The following AZIN2 variants were observed in gnomAD, a reference collection of about 807,000 sequenced individuals.
The protein encoded by AZIN2 is ODC antizyme inhibitor-2.
A neutral mutation model predicts 47.8 loss-of-function variants in AZIN2; 28 were observed. That is an observed-to-expected ratio of 0.59 (90% CI 0.43 to 0.80). The LOEUF (loss-of-function observed/expected upper bound fraction) is 0.80, where lower values mean the gene tolerates loss of function less well. Ranked by LOEUF, AZIN2 falls within the 30% of genes least tolerant of loss-of-function variation. The pLI is 0.00. For missense variants in AZIN2, 535 were observed against 582.5 expected, an observed-to-expected ratio of 0.92 and a Z score of 0.84; for synonymous variants, 221 against 239.4, an observed-to-expected ratio of 0.92 and a Z score of 0.71.
the AZIN2 span, among the ~76,000 whole-genome samples, chr1:33,140,111 G>C: frequency 1.2e-4 from 18 of 152,166 alleles, no homozygotes; most frequent in Non-Finnish European, 2.4e-4. This position sits in a 1 kb window ranked among gnomAD's most constrained non-coding sequence, Gnocchi z 4.0. Flanking sequence ...TAAGAGGAAA[G>C]AGGGGAGAGA....
intron 5 of AZIN2, among the ~76,000 whole-genome samples, chr1:33,091,014 A>G (rs915858941): frequency 1.0e-3 from 97 of 96,534 alleles, no homozygotes; most frequent in African/African-American, 2.6e-3. Context: ...ATGTTGCTGC[A>G]AATGACAGGA....
Position 33,092,143 on chromosome 1 carries a change from G to A in AZIN2, c.373G>A (p.Ala125Thr). The A allele has an allele frequency of 6.2e-7, 1 of 1,614,200 alleles. No individual in the cohort carries two copies. The change falls in exon 6 of 12, where the codon GCC becomes ACC. Residue 125 changes from alanine to threonine, a missense_variant. By Grantham distance (58) the Ala-to-Thr change is moderately conservative. Around this residue, in one of 3 missense-constraint regions of AZIN2, gnomAD observed 409 missense variants for 429.0 expected, o/e 0.95. Coordinates refer to ENST00000294517, the MANE Select transcript of AZIN2 (RefSeq NM_052998.4). ...GCAAATTGCACAGATCAAATATGCT[G>A]CCAAGCATGGGATCCAGCTGCTGAG... ...CKQIAQIKYA[A>T]KHGIQLLSFD...
rs1164270548 is a variant in AZIN2, at chr1:33,121,327, G to A, written c.*1145G>A. Among the ~76,000 whole-genome samples, 1 of 152,212 alleles carries A rather than the reference G, an allele frequency of 6.6e-6. No individual in the cohort carries two copies. Among genetic ancestry groups the A allele is most frequent in the Non-Finnish European group, 1.5e-5 (1 of 68,036 alleles). On this transcript the variant is annotated 3_prime_UTR_variant, in exon 12 of 12. Coordinates refer to ENST00000294517, the MANE Select transcript of AZIN2 (RefSeq NM_052998.4). ...ACCTGTAATCCCAGCACTTTGGGAG[G>A]CTGAGGCAGGTGATCACCTGAGGTC...
At chr1:33,129,760 A>G in the AZIN2 span, among the ~76,000 whole-genome samples, 2 of 152,206 alleles carry the variant, frequency 1.3e-5, no homozygotes, top group African/African-American at 2.4e-5. The surrounding 1 kb of genome is among the most constrained non-coding windows in gnomAD (Gnocchi z 4.1). Context: ...CTATTTACCC[A>G]TTCTGGTGAT....
the AZIN2 span, chr1:33,159,626 TG>T: frequency 6.5e-7 from 1 of 1,537,862 alleles, no homozygotes; most frequent in Middle Eastern, 2.0e-4. The surrounding 1 kb of genome is among the most constrained non-coding windows in gnomAD (Gnocchi z 4.2). Context: ...CCACTCCCAC[TG>T]CCCAGCATGG....
the AZIN2 span, chr1:33,147,197 T>G: frequency 5.0e-6 from 8 of 1,613,684 alleles, no homozygotes; most frequent in Non-Finnish European, 6.8e-6. The surrounding 1 kb of genome is among the most constrained non-coding windows in gnomAD (Gnocchi z 8.1). Flanking sequence ...ACGGTGTTGA[T>G]CCGCAGCGGC....
At chr1:33,144,785 G>C in the AZIN2 span, among the ~76,000 whole-genome samples, 16 of 152,254 alleles carry the variant, frequency 1.1e-4, 1 homozygote, top group African/African-American at 3.9e-4. Flanking sequence ...GGTCTAGGTG[G>C]TTCCATACCC....
the AZIN2 span, among the ~76,000 whole-genome samples, chr1:33,154,412 G>A: frequency 2.0e-5 from 3 of 152,176 alleles, no homozygotes; most frequent in Non-Finnish European, 4.4e-5. Flanking sequence ...GGCCCTGTAG[G>A]ATCTGGGGCC....
At chr1:33,127,049 C>A (rs1644861531), downstream of AZIN2, among the ~76,000 whole-genome samples, 1 of 152,190 alleles carries the variant, frequency 6.6e-6, no homozygotes, top group Non-Finnish European at 1.5e-5. Flanking sequence ...TCAGGGATTC[C>A]TCAGGCTGAG....
intron 10 of AZIN2, among the ~76,000 whole-genome samples, chr1:33,106,419 C>A (rs1351656469): frequency 2.0e-5 from 3 of 152,102 alleles, no homozygotes; most frequent in Admixed American, 2.0e-4. Context: ...ACTCATTTTA[C>A]AAAACCACAA....
At chr1:33,108,342 CTTTT>C (rs34834263) in intron 10 of AZIN2, among the ~76,000 whole-genome samples, 1 of 134,752 alleles carries the variant, frequency 7.4e-6, no homozygotes, top group Non-Finnish European at 1.6e-5. Context: ...TTCAGATTGA[CTTTT>C]TTTTTTTTTT....
intron 10 of AZIN2, among the ~76,000 whole-genome samples, chr1:33,107,282 T>TCA (rs1239365372): frequency 5.0e-5 from 7 of 139,550 alleles, no homozygotes; most frequent in African/African-American, 1.4e-4. Flanking sequence ...AGACTCCATC[T>TCA]CACACACACA....
chr1:33,143,128 C>A, the AZIN2 span: 148 of 152,322 alleles, frequency 9.7e-4, no homozygotes, highest in African/African-American at 3.5e-3. Context: ...TGATATCAGC[C>A]TGACAACCCC....
At chr1:33,153,344 T>A in the AZIN2 span, among the ~76,000 whole-genome samples, 7 of 152,326 alleles carry the variant, frequency 4.6e-5, no homozygotes, top group Middle Eastern at 0.024. Flanking sequence ...TGGAGCACAG[T>A]CTGTTCCTCC....
chr1:33,114,730 C>G (rs1644459708), intron 10 of AZIN2, among the ~76,000 whole-genome samples: 1 of 135,680 alleles, frequency 7.4e-6, no homozygotes. Flanking sequence ...GATCTTGGCT[C>G]ACTGCAACCT....
chr1:33,104,757 T>G (rs1643915132), intron 10 of AZIN2, among the ~76,000 whole-genome samples: 1 of 152,234 alleles, frequency 6.6e-6, no homozygotes, highest in Non-Finnish European at 1.5e-5. Flanking sequence ...CAGAGTGCAG[T>G]GGCACAGTCA....
chr1:33,138,641 AAAAAG>A, the AZIN2 span, among the ~76,000 whole-genome samples: 230 of 100,718 alleles, frequency 2.3e-3, 1 homozygote, highest in African/African-American at 6.2e-3. Flanking sequence ...AAAAAAAAAA[AAAAAG>A]AAAAGGAAAG....
At chr1:33,104,041 C>A (rs1376702619) in intron 10 of AZIN2, among the ~76,000 whole-genome samples, 1 of 152,072 alleles carries the variant, frequency 6.6e-6, no homozygotes, top group Non-Finnish European at 1.5e-5. Context: ...CGTCACTATG[C>A]CTGGCTAATT....
chr1:33,150,454 C>T, the AZIN2 span, among the ~76,000 whole-genome samples: 3 of 152,354 alleles, frequency 2.0e-5, no homozygotes, highest in South Asian at 6.2e-4. Flanking sequence ...CTTCCATGAT[C>T]TTTGCCAGGA....
Sources: allele counts gnomAD v4.1 joint callset (sites outside exome capture counted in the v4.1 genomes callset), GRCh38; gene constraint gnomAD v4.1.1; regional missense constraint gnomAD v4.1.1; non-coding constraint Gnocchi (gnomAD v3.1); transcripts MANE v1.5; gene names NCBI Gene and HGNC (gene_info 2026-07-23, HGNC 2026-07-21).